The following FOXP2 variants were observed in gnomAD, a reference collection of about 807,000 sequenced individuals.
The protein encoded by FOXP2 is forkhead box P2, also known as forkhead box protein P2.
Under a neutral mutation model 115.8 loss-of-function variants are expected in FOXP2, and 12 were observed. The observed-to-expected ratio is 0.10, with a 90% CI of 0.07 to 0.17. The LOEUF (loss-of-function observed/expected upper bound fraction) is 0.17. Ranked by LOEUF, FOXP2 falls within the 10% of genes least tolerant of loss-of-function variation. The pLI, the probability that FOXP2 is intolerant of heterozygous loss-of-function variation, is 1.00. For missense variants in FOXP2, 629 were observed against 843.5 expected, an observed-to-expected ratio of 0.75 and a Z score of 3.15; for synonymous variants, 328 against 297.7, an observed-to-expected ratio of 1.10 and a Z score of -1.05.
chr7:114,219,135 TACTA>T (rs1794556988), intron 1 of FOXP2, among the ~76,000 whole-genome samples: 1 of 152,166 alleles, frequency 6.6e-6, no homozygotes. Context: ...AGATTAATTA[TACTA>T]ACTTTCATAA....
At chr7:114,582,699 G>C (rs1418106428) in intron 3 of FOXP2, among the ~76,000 whole-genome samples, 3 of 152,016 alleles carry the variant, frequency 2.0e-5, no homozygotes, top group Non-Finnish European at 2.9e-5. Context: ...TTAAATAATT[G>C]GTTAATTTTT....
chr7:114,693,230 G>A lies in FOXP2; in HGVS notation c.*3304G>A, dbSNP rs187306815. On this transcript the variant is annotated 3_prime_UTR_variant, in exon 17 of 17. Coordinates refer to ENST00000350908, the MANE Select transcript of FOXP2 (RefSeq NM_014491.4). ...GGTTTTCTTTAGATAACTCAGATAT[G>A]GAGAAAATGTCATCAGCATTCTGTG... 8 of 449,584 alleles carry A rather than the reference G, an allele frequency of 1.8e-5. No homozygotes were observed. In the East Asian group the frequency reaches 2.8e-4, roughly 16 times the overall value. The allele number at this position is 449,584 out of a possible 1,614,324, so 27.8% of individuals were successfully genotyped here. A position where few individuals can be genotyped will look rare whatever the true frequency, so the allele number is the denominator to read the frequency against.
chr7:114,654,102 G>A, intron 10 of FOXP2, 93 bp downstream of exon 10: 2 of 1,600,326 alleles, frequency 1.2e-6, no homozygotes, highest in Admixed American at 1.7e-5. Context: ...AAAACAATGA[G>A]TGTGATGAAA....
chr7:114,362,087 G>A (rs1208451818), intron 2 of FOXP2, among the ~76,000 whole-genome samples: 3 of 151,904 alleles, frequency 2.0e-5, no homozygotes, highest in African/African-American at 7.2e-5. Context: ...GAGGGGGTAA[G>A]GAGTGGAACA....
chr7:114,584,796 G>A (rs1802049664), intron 3 of FOXP2, among the ~76,000 whole-genome samples: 2 of 152,088 alleles, frequency 1.3e-5, no homozygotes, highest in Non-Finnish European at 2.9e-5. Context: ...TCTTGCTACA[G>A]TAACATCCGT....
chr7:114,485,108 T>C (rs1796718468), intron 2 of FOXP2, among the ~76,000 whole-genome samples: 1 of 151,982 alleles, frequency 6.6e-6, no homozygotes, highest in Non-Finnish European at 1.5e-5. Flanking sequence ...ATATATATGC[T>C]TTGCCCCAAA....
At chr7:114,447,883 T>G (rs1199723046) in intron 2 of FOXP2, among the ~76,000 whole-genome samples, 2 of 152,184 alleles carry the variant, frequency 1.3e-5, no homozygotes, top group East Asian at 3.9e-4. Context: ...GAATAAATTT[T>G]GTTGAATGCA....
intron 2 of FOXP2, among the ~76,000 whole-genome samples, chr7:114,369,581 A>G (rs1279281231): frequency 6.6e-6 from 1 of 152,172 alleles, no homozygotes; most frequent in East Asian, 1.9e-4. Flanking sequence ...TTGATGCTTC[A>G]TATCGTGTCT....
At chr7:114,226,180 A>C (rs1261253347) in intron 1 of FOXP2, among the ~76,000 whole-genome samples, 1 of 152,196 alleles carries the variant, frequency 6.6e-6, no homozygotes, top group Non-Finnish European at 1.5e-5. Context: ...CCCCCAATTT[A>C]CCATTTTATG....
intron 3 of FOXP2, among the ~76,000 whole-genome samples, chr7:114,555,255 A>G (rs78447914): frequency 0.028 from 4,191 of 152,268 alleles, 86 homozygotes; most frequent in Non-Finnish European, 0.041. Flanking sequence ...TACATTATCT[A>G]CAGTCAAGTA....
intron 2 of FOXP2, among the ~76,000 whole-genome samples, chr7:114,467,028 C>T (rs1795829809): frequency 1.3e-5 from 2 of 152,304 alleles, no homozygotes; most frequent in East Asian, 3.9e-4. Flanking sequence ...GTATGCTCAC[C>T]ACAGTCAGTT....
chr7:114,523,744 T>A (rs560328446), intron 2 of FOXP2, among the ~76,000 whole-genome samples: 2 of 152,292 alleles, frequency 1.3e-5, no homozygotes, highest in East Asian at 1.9e-4. Flanking sequence ...GTCCATCTCA[T>A]CCTTTTGCTA....
chr7:114,310,576 T>C (rs971449856), intron 2 of FOXP2, among the ~76,000 whole-genome samples: 1 of 151,736 alleles, frequency 6.6e-6, no homozygotes, highest in Non-Finnish European at 1.5e-5. Flanking sequence ...TTACTGGAAA[T>C]GGTCTTTCTG....
At chr7:114,588,736 A>G (rs1270471699) in intron 3 of FOXP2, among the ~76,000 whole-genome samples, 3 of 152,324 alleles carry the variant, frequency 2.0e-5, no homozygotes, top group East Asian at 3.9e-4. Context: ...TGTTTCTTAA[A>G]CAGGACATTT....
intron 2 of FOXP2, among the ~76,000 whole-genome samples, chr7:114,483,598 T>A (rs556658029): frequency 6.6e-6 from 1 of 151,896 alleles, no homozygotes; most frequent in East Asian, 1.9e-4. Context: ...ATCTTTCCTT[T>A]CTCAAGCTTA....
intron 1 of FOXP2, among the ~76,000 whole-genome samples, chr7:114,095,656 C>A (rs1189667402): frequency 6.6e-6 from 1 of 152,118 alleles, no homozygotes; most frequent in East Asian, 1.9e-4. Flanking sequence ...TCTATCATTA[C>A]CATCCATAAA....
rs1793867473 is a variant in FOXP2 at position 114,426,663 on chromosome 7, A to C, written c.152A>C (p.His51Pro). Reference protein sequence around the residue: ...SSEVSTVELLHLQQQQALQAA... With the variant: ...SSEVSTVELLPLQQQQALQAA... ...GAAGTAAGCACAGTAGAACTGCTGC[A>C]TCTGCAACAACAGCAGGTAAGTTTT... The change falls in exon 2 of 17, where the codon CAT (histidine) becomes CCT (proline). Residue 51 changes from histidine (H) to proline (P), a missense_variant. By Grantham distance (77) the His-to-Pro change is moderately conservative (BLOSUM62 -2). Transcript: ENST00000350908. 1 of 1,611,048 alleles carries C rather than the reference A, an allele frequency of 6.2e-7. No homozygotes were observed. Among genetic ancestry groups the C allele is most frequent in the East Asian group, 2.2e-5 (1 of 44,760 alleles).
At chr7:114,594,502 T>C (rs1353242013) in intron 3 of FOXP2, among the ~76,000 whole-genome samples, 2 of 151,986 alleles carry the variant, frequency 1.3e-5, no homozygotes, top group African/African-American at 4.8e-5. Flanking sequence ...CTGTGTGGAG[T>C]TGTCTCACTT....
chr7:114,175,319 A>G (rs994268003), intron 1 of FOXP2, among the ~76,000 whole-genome samples: 6 of 152,114 alleles, frequency 3.9e-5, no homozygotes, highest in African/African-American at 1.2e-4. Context: ...TAGAATGAGT[A>G]ATTCTTTTTT....
Sources: allele counts gnomAD v4.1 joint callset (sites outside exome capture counted in the v4.1 genomes callset), GRCh38; gene constraint gnomAD v4.1.1; transcripts MANE v1.5; gene names NCBI Gene and HGNC (gene_info 2026-07-23, HGNC 2026-07-21).